Variants in TRAPPC9 observed in about 807,000 individuals in gnomAD.
TRAPPC9 encodes the protein trafficking protein particle complex subunit 9.
Under a neutral mutation model 124.0 loss-of-function variants are expected in TRAPPC9, and 83 were observed. That is an observed-to-expected ratio of 0.67 (90% CI 0.56 to 0.80). The LOEUF is 0.80. Among genes scored for constraint, TRAPPC9 ranks in the 30% least tolerant of loss-of-function variants. The probability of loss-of-function intolerance (pLI) is 0.00; values close to 1 mark genes in which losing one functional copy is unlikely to be tolerated. For synonymous variants in TRAPPC9, 638 were observed against 617.5 expected, an observed-to-expected ratio of 1.03 and a Z score of -0.49; for missense variants, 1,302 against 1,508.3, an observed-to-expected ratio of 0.86 and a Z score of 2.27.
At chr8:140,062,103 T>G (rs980828367) in intron 17 of TRAPPC9, among the ~76,000 whole-genome samples, 1 of 152,114 alleles carries the variant, frequency 6.6e-6, no homozygotes, top group African/African-American at 2.4e-5. Flanking sequence ...AGGCAACACC[T>G]TCCAGGACCC....
chr8:140,443,252 GAT>G, intron 2 of TRAPPC9, among the ~76,000 whole-genome samples: 1 of 146,634 alleles, frequency 6.8e-6, no homozygotes, highest in East Asian at 2.1e-4. Context: ...TGGCTAACAT[GAT>G]GAAACCCCGT....
intron 17 of TRAPPC9, among the ~76,000 whole-genome samples, chr8:140,111,741 G>A (rs553761011): frequency 6.6e-6 from 1 of 152,352 alleles, no homozygotes; most frequent in Non-Finnish European, 1.5e-5. Flanking sequence ...CTGACAGCAG[G>A]ATTTGCGACT....
intron 21 of TRAPPC9, among the ~76,000 whole-genome samples, chr8:139,783,161 A>G (rs114979760): frequency 0.022 from 3,304 of 152,280 alleles, 106 homozygotes; most frequent in African/African-American, 0.075. Context: ...ATGCAAAGAA[A>G]GAAAAGAAAA....
At chr8:140,192,398 A>C (rs2062515711) in intron 17 of TRAPPC9, among the ~76,000 whole-genome samples, 1 of 152,254 alleles carries the variant, frequency 6.6e-6, no homozygotes, top group African/African-American at 2.4e-5. Context: ...TGTTAGAAGA[A>C]GTCACTGGCT....
chr8:140,253,039 A>C (rs1305756186), intron 15 of TRAPPC9, 110 bp from the exon 16 acceptor site: 2 of 1,109,222 alleles, frequency 1.8e-6, no homozygotes, highest in African/African-American at 3.1e-5. Context: ...GAAAAAGAAG[A>C]GCTTTTAAAA....
At chr8:139,986,551 C>T (rs1460186252) in intron 19 of TRAPPC9, among the ~76,000 whole-genome samples, 1 of 152,192 alleles carries the variant, frequency 6.6e-6, no homozygotes, top group African/African-American at 2.4e-5. Flanking sequence ...TAACATTATA[C>T]TATATTTGCA....
At chr8:139,846,400 C>T (rs1827088507) in intron 21 of TRAPPC9, among the ~76,000 whole-genome samples, 1 of 152,246 alleles carries the variant, frequency 6.6e-6, no homozygotes, top group Non-Finnish European at 1.5e-5. Flanking sequence ...CGACCAGGCC[C>T]CACCAGTTGG....
intron 7 of TRAPPC9, among the ~76,000 whole-genome samples, chr8:140,376,771 G>C (rs569440676): frequency 6.6e-6 from 1 of 151,528 alleles, no homozygotes; most frequent in Non-Finnish European, 1.5e-5. Flanking sequence ...AGCTACTCAG[G>C]AGGCTGAGGC....
At chr8:140,327,897 CA>C (rs1328338637) in intron 9 of TRAPPC9, among the ~76,000 whole-genome samples, 5 of 152,166 alleles carry the variant, frequency 3.3e-5, no homozygotes, top group African/African-American at 4.8e-5. Context: ...ACGCTTAAAA[CA>C]GTTAAAAGGG....
chr8:139,893,191 G>A (rs968794548), intron 20 of TRAPPC9, among the ~76,000 whole-genome samples: 1 of 152,200 alleles, frequency 6.6e-6, no homozygotes, highest in Non-Finnish European at 1.5e-5. Flanking sequence ...TGGAGCTTCA[G>A]GGGCTCCATG....
At chr8:139,891,105 G>A (rs1458240392) in intron 20 of TRAPPC9, among the ~76,000 whole-genome samples, 1 of 152,190 alleles carries the variant, frequency 6.6e-6, no homozygotes, top group Non-Finnish European at 1.5e-5. Context: ...GAACTCATTG[G>A]CTGGGAAGGT....
rs190828492 is a variant in TRAPPC9 at position 139,800,952 on chromosome 8, G to A, written c.3056-68750C>T. Among the ~76,000 whole-genome samples, 653 of 136,272 alleles carry A rather than the reference G, an allele frequency of 4.8e-3. 5 individuals carry two copies. Among genetic ancestry groups the A allele is most frequent in the African/African-American group, 0.017 (605 of 35,344 alleles). 89.4% of individuals were successfully genotyped at this position (136,272 alleles called of 152,430 possible). A position where few individuals can be genotyped will look rare whatever the true frequency, so the allele number is the denominator to read the frequency against. On this transcript the variant is annotated intron_variant, in intron 21 of 22. Coordinates refer to ENST00000438773, the MANE Select transcript of TRAPPC9 (RefSeq NM_001160372.4). ...TCCCTCCGGCACCTTCCCTCCATCC[G>A]GTACCTGTACCTTCCCTCCCTCCGG...
intron 17 of TRAPPC9, among the ~76,000 whole-genome samples, chr8:140,140,120 CA>C (rs1402259327): frequency 1.3e-5 from 2 of 152,134 alleles, no homozygotes; most frequent in African/African-American, 4.8e-5. Flanking sequence ...TGAGCACACG[CA>C]GGGGCAGGGA....
At chr8:140,243,755 T>C (rs1042360140) in intron 16 of TRAPPC9, among the ~76,000 whole-genome samples, 2 of 152,246 alleles carry the variant, frequency 1.3e-5, no homozygotes, top group African/African-American at 4.8e-5. Context: ...AGTCTCCATT[T>C]GTCCACCAGA....
At chr8:139,789,527 G>A (rs1822507600) in intron 21 of TRAPPC9, among the ~76,000 whole-genome samples, 1 of 152,136 alleles carries the variant, frequency 6.6e-6, no homozygotes, top group African/African-American at 2.4e-5. Context: ...ACACAGGGAG[G>A]GGCGAGTGCC....
intron 15 of TRAPPC9, among the ~76,000 whole-genome samples, chr8:140,270,367 G>C (rs1032608089): frequency 2.0e-5 from 3 of 152,228 alleles, no homozygotes; most frequent in African/African-American, 7.2e-5. Flanking sequence ...CAACAGGAGA[G>C]AAAGGCATGC....
rs941435722 is a variant in TRAPPC9 at position 140,333,268 on chromosome 8, T to C, written c.1496-21894A>G. Among the ~76,000 whole-genome samples, 187 of 152,358 alleles carry C rather than the reference T, an allele frequency of 1.2e-3. 2 individuals are homozygous for C. Among genetic ancestry groups the C allele is most frequent in the Non-Finnish European group, 2.2e-4 (15 of 68,034 alleles). ...TATAGGATTATGCATAATTTTTTCC[T>C]GTTTATGTTTTCCAAGATTTCTAAA... On this transcript the variant is annotated intron_variant, in intron 9 of 22. Transcript: ENST00000438773.
At chr8:140,324,271 C>T (rs1034586959) in intron 9 of TRAPPC9, among the ~76,000 whole-genome samples, 1 of 152,102 alleles carries the variant, frequency 6.6e-6, no homozygotes, top group Non-Finnish European at 1.5e-5. Flanking sequence ...ACATTAATAT[C>T]AGACAAAGGG....
chr8:140,274,259 G>C (rs2065047799), intron 15 of TRAPPC9, among the ~76,000 whole-genome samples: 1 of 152,062 alleles, frequency 6.6e-6, no homozygotes, highest in Non-Finnish European at 1.5e-5. Flanking sequence ...TTCAAGACAA[G>C]AAAATATAAA....
Sources: allele counts gnomAD v4.1 joint callset (sites outside exome capture counted in the v4.1 genomes callset), GRCh38; gene constraint gnomAD v4.1.1; transcripts MANE v1.5; gene names NCBI Gene and HGNC (gene_info 2026-07-23, HGNC 2026-07-21).